The following CYRIA variants were observed in gnomAD, a reference collection of about 807,000 sequenced individuals.
The protein encoded by CYRIA is CYFIP related Rac1 interactor A.
CYRIA carries 15 observed loss-of-function variants against 43.9 expected under a neutral mutation model. The ratio of observed to expected loss-of-function variants is 0.34; its 90% CI spans 0.23 to 0.53. CYRIA has a LOEUF of 0.53. Ranked by LOEUF, CYRIA falls within the 20% of genes least tolerant of loss-of-function variation. The pLI, the probability that CYRIA is intolerant of heterozygous loss-of-function variation, is 0.94. For synonymous variants in CYRIA, 117 were observed against 136.0 expected (o/e 0.86, Z 0.97); for missense variants, 236 against 394.2 (o/e 0.60, Z 3.40).
In CYRIA at chr2:16,650,953, TA is replaced by T. The variant is rs774987828; in HGVS notation, c.-167+14826del. On this transcript the variant is annotated intron_variant, in intron 1 of 11. Coordinates refer to ENST00000381323, the MANE Select transcript of CYRIA (RefSeq NM_030797.4). The surrounding 1 kb of genome is among the most constrained non-coding windows in gnomAD (Gnocchi z 4.1). Reference sequence around the variant, plus strand: ...TCTTCTTTCTCTCTTACTTTCACTTTAAAAAAACATTCCATTCAACGGGGGC... The same window carrying T: ...TCTTCTTTCTCTCTTACTTTCACTTTAAAAAACATTCCATTCAACGGGGGC... Among the ~76,000 whole-genome samples, 3 of 152,154 alleles carry T rather than the reference TA, an allele frequency of 2.0e-5. No homozygotes were observed. Among genetic ancestry groups the T allele is most frequent in the Non-Finnish European group, 2.9e-5 (2 of 68,022 alleles).
At chr2:16,583,018 C>T (rs1321364907) in intron 3 of CYRIA, among the ~76,000 whole-genome samples, 1 of 152,172 alleles carries the variant, frequency 6.6e-6, no homozygotes, top group Non-Finnish European at 1.5e-5. Context: ...TCCTCACTAA[C>T]ACCTTATTAT....
chr2:16,619,135 G>C (rs1439533681), intron 2 of CYRIA, among the ~76,000 whole-genome samples: 1 of 152,150 alleles, frequency 6.6e-6, no homozygotes, highest in Non-Finnish European at 1.5e-5. Flanking sequence ...ACGAAGTGCA[G>C]AGATCTTGGC....
intron 1 of CYRIA, among the ~76,000 whole-genome samples, chr2:16,640,738 T>G (rs1669651833): frequency 6.6e-6 from 1 of 152,248 alleles, no homozygotes; most frequent in Non-Finnish European, 1.5e-5. Flanking sequence ...GCGTCAGCTC[T>G]CACCTTTTTA....
At chr2:16,661,507 A>G (rs1390749460) in intron 1 of CYRIA, among the ~76,000 whole-genome samples, 4 of 152,184 alleles carry the variant, frequency 2.6e-5, no homozygotes, top group Admixed American at 2.6e-4. Flanking sequence ...AGCATCATCA[A>G]ACATTTTCCT....
At chr2:16,635,889 C>A in intron 1 of CYRIA, among the ~76,000 whole-genome samples, 1 of 152,166 alleles carries the variant, frequency 6.6e-6, no homozygotes, top group African/African-American at 2.4e-5. Context: ...TAAAGACAAT[C>A]CTTTTCTTCT....
chr2:16,620,840 C>T lies in CYRIA; in HGVS notation c.-11+3024G>A, dbSNP rs191043948. On this transcript the variant is annotated intron_variant, in intron 2 of 11. Transcript: ENST00000381323. ...TCCTTGCCTATGTGTCTCCATCTCC[C>T]GGCCTGGAAATTCCTAACACCCTTC... Among the ~76,000 whole-genome samples the T allele has an allele frequency of 2.0e-4, 30 of 152,268 alleles. No homozygotes were observed. In the East Asian group the frequency reaches 2.9e-3, roughly 15 times the overall value.
chr2:16,628,429 C>G (rs962970604), intron 1 of CYRIA, among the ~76,000 whole-genome samples: 3 of 152,168 alleles, frequency 2.0e-5, no homozygotes, highest in Non-Finnish European at 4.4e-5. Context: ...AGTGACTTAC[C>G]CACAACTGTG....
intron 2 of CYRIA, among the ~76,000 whole-genome samples, chr2:16,599,744 C>A (rs1425336186): frequency 6.6e-6 from 1 of 152,080 alleles, no homozygotes; most frequent in East Asian, 1.9e-4. Context: ...ATTCGGCCAT[C>A]TTGGCTCCTC....
chr2:16,660,218 T>G (rs961474834), intron 1 of CYRIA, among the ~76,000 whole-genome samples: 1 of 152,188 alleles, frequency 6.6e-6, no homozygotes, highest in African/African-American at 2.4e-5. Context: ...AGTCATCAAA[T>G]CCAGTCTTCC....
At chr2:16,576,905 A>G (rs1470776230) in intron 3 of CYRIA, among the ~76,000 whole-genome samples, 1 of 152,226 alleles carries the variant, frequency 6.6e-6, no homozygotes, top group Non-Finnish European at 1.5e-5. Flanking sequence ...AAGCAAAATA[A>G]ACAAGTAACA....
chr2:16,555,127 T>C lies in CYRIA; in HGVS notation c.850A>G (p.Ile284Val). 1 of 1,612,878 alleles carries C rather than the reference T, an allele frequency of 6.2e-7. No homozygotes were observed. Among genetic ancestry groups the C allele is most frequent in the Non-Finnish European group, 8.5e-7 (1 of 1,179,582 alleles). The change falls in exon 11 of 12, where the codon ATA becomes GTA. Residue 284 changes from isoleucine to valine, a missense_variant. This residue lies in a region of CYRIA where 40 missense variants were observed against 62.2 expected (regional missense o/e 0.64). Coordinates refer to ENST00000381323, the MANE Select transcript of CYRIA (RefSeq NM_030797.4). ...GGGGCCTGCTCCTTCAAAACTTTTA[T>C]GCAGCCTTTCATCTAGGAGGAGAAA... ...KTSKIDMKGC[I>V]KVLKEQAPDS...
chr2:16,663,205 G>A (rs924724894), intron 1 of CYRIA, among the ~76,000 whole-genome samples: 11 of 152,116 alleles, frequency 7.2e-5, no homozygotes, highest in Non-Finnish European at 1.5e-4. Context: ...AAGCATTCCC[G>A]GTAGGCTATT....
intron 3 of CYRIA, among the ~76,000 whole-genome samples, chr2:16,572,392 T>C (rs1402688524): frequency 2.0e-5 from 3 of 152,148 alleles, no homozygotes; most frequent in Non-Finnish European, 2.9e-5. Context: ...CCAGGTATGT[T>C]CTGTTTTTGT....
chr2:16,588,442 A>C lies in CYRIA; in HGVS notation c.-10-313T>G, dbSNP rs79226324. Among the ~76,000 whole-genome samples the C allele has an allele frequency of 2.8e-3, 422 of 151,736 alleles. 4 individuals are homozygous for C. The highest frequency in any genetic ancestry group is 9.8e-3 in the African/African-American group (403 of 41,308). Reference sequence around the variant, plus strand: ...TCGTTCACCATATAAAAAAAAAAAAACATAAAGAACAGCCTATGAAAAGAA... The same window carrying C: ...TCGTTCACCATATAAAAAAAAAAAACCATAAAGAACAGCCTATGAAAAGAA... On this transcript the variant is annotated intron_variant, in intron 2 of 11. Coordinates refer to ENST00000381323, the MANE Select transcript of CYRIA (RefSeq NM_030797.4).
chr2:16,579,996 G>A (rs1172976361), intron 3 of CYRIA, among the ~76,000 whole-genome samples: 1 of 151,368 alleles, frequency 6.6e-6, no homozygotes, highest in Non-Finnish European at 1.5e-5. Flanking sequence ...CATCCAGACT[G>A]AACTGCAGTG....
chr2:16,643,548 C>G (rs1194383199), intron 1 of CYRIA, among the ~76,000 whole-genome samples: 1 of 152,190 alleles, frequency 6.6e-6, no homozygotes. Flanking sequence ...GTAAATGAAA[C>G]ACACTAAAGT....
intron 6 of CYRIA, 95 bp downstream of exon 6, chr2:16,561,910 C>A (rs1666749465): frequency 4.0e-6 from 5 of 1,249,176 alleles, no homozygotes; most frequent in Non-Finnish European, 5.6e-6. Flanking sequence ...TTACTCATTT[C>A]TCTACCCACC....
chr2:16,632,766 A>G (rs1056658301), intron 1 of CYRIA, among the ~76,000 whole-genome samples: 2 of 152,304 alleles, frequency 1.3e-5, no homozygotes, highest in Non-Finnish European at 2.9e-5. Context: ...GATGCTGGCA[A>G]GGGTCATCCC....
intron 11 of CYRIA, among the ~76,000 whole-genome samples, chr2:16,553,207 A>G (rs1339537952): frequency 6.6e-6 from 1 of 152,152 alleles, no homozygotes. Context: ...CCAAGTAGAT[A>G]TTTTACATAA....
Sources: gnomAD v4.1 joint callset for allele counts (sites outside exome capture counted in the v4.1 genomes callset) on GRCh38, gnomAD v4.1.1 for gene constraint, gnomAD v4.1.1 regional missense constraint, Gnocchi (gnomAD v3.1) non-coding constraint, MANE v1.5 for transcripts, NCBI Gene and HGNC (gene_info 2026-07-23, HGNC 2026-07-21) for gene names.